Variants in EVI5 observed in about 807,000 individuals in gnomAD.
EVI5 encodes the protein ecotropic viral integration site 5 protein homolog.
EVI5 carries 73 observed loss-of-function variants against 112.0 expected under a neutral mutation model. The observed-to-expected ratio is 0.65, with a 90% CI of 0.54 to 0.79. The LOEUF (loss-of-function observed/expected upper bound fraction) is 0.79. EVI5 is among the 30% of genes least tolerant of loss of function. EVI5 has a pLI of 0.00. For missense variants in EVI5, 900 were observed against 968.8 expected (o/e 0.93, Z 0.94); for synonymous variants, 305 against 319.9 (o/e 0.95, Z 0.50).
rs143937974 is a variant in EVI5, at chr1:92,675,648, C to A, written c.1158+1510G>T. On this transcript the variant is annotated intron_variant, in intron 10 of 19. Coordinates refer to ENST00000684568, the MANE Select transcript of EVI5 (RefSeq NM_001350197.2). ...TACTTGCAGTAAAAGTACCCTTACT[C>A]ATAGTACCTAAAAGAAAAGCAAATA... 3.5e-3 allele frequency among the ~76,000 whole-genome samples: 537 copies of A among 152,136 alleles called. 4 individuals carry two copies. The highest frequency in any genetic ancestry group is 0.012 in the African/African-American group (514 of 41,508).
intron 13 of EVI5, among the ~76,000 whole-genome samples, chr1:92,645,184 C>T (rs1660708495): frequency 6.6e-6 from 1 of 152,076 alleles, no homozygotes. Context: ...ACATACATTC[C>T]TAAACACATA....
chr1:92,733,420 T>A (rs1490408533), intron 2 of EVI5, among the ~76,000 whole-genome samples: 1 of 151,548 alleles, frequency 6.6e-6, no homozygotes, highest in African/African-American at 2.4e-5. Flanking sequence ...TTTTTTTTTT[T>A]AAATGAGACG....
intron 13 of EVI5, among the ~76,000 whole-genome samples, chr1:92,660,865 T>C (rs1392105558): frequency 6.6e-6 from 1 of 152,022 alleles, no homozygotes; most frequent in African/African-American, 2.4e-5. Flanking sequence ...ATTGTGGTAG[T>C]GTTTCATAAC....
chr1:92,784,837 T>G lies in EVI5; in HGVS notation c.-83A>C. 1 of 985,140 alleles carries G rather than the reference T, an allele frequency of 1.0e-6. No individual in the cohort carries two copies. Among genetic ancestry groups the G allele is most frequent in the Non-Finnish European group, 1.2e-6 (1 of 830,226 alleles). The allele number at this position is 985,140 out of a possible 1,614,324, so 61.0% of individuals were successfully genotyped here. On this transcript the variant is annotated splice_region_variant and 5_prime_UTR_variant, in exon 1 of 20. Coordinates refer to ENST00000684568, the MANE Select transcript of EVI5 (RefSeq NM_001350197.2). ...CCGGCCTGGCGCAGCGCCCCTCACC[T>G]TGGAAACGTTGAGTAGACTTCGCCG...
At chr1:92,698,076 C>T (rs1017008) in intron 5 of EVI5, 91 bp from the exon 6 acceptor site, 1,078,994 of 1,181,414 alleles carry the variant, frequency 0.91, 493,478 homozygotes, top group East Asian at 0.97. Context: ...CAGCCAACCA[C>T]AAACATTGTT....
At chr1:92,707,681 T>C (rs1672226663) in intron 2 of EVI5, among the ~76,000 whole-genome samples, 1 of 152,184 alleles carries the variant, frequency 6.6e-6, no homozygotes, top group East Asian at 1.9e-4. Flanking sequence ...ATTCTATCAA[T>C]ATTAAAAGTA....
chr1:92,761,680 AGGTT>A (rs1681904089), intron 1 of EVI5, among the ~76,000 whole-genome samples: 1 of 152,190 alleles, frequency 6.6e-6, no homozygotes, highest in Non-Finnish European at 1.5e-5. Flanking sequence ...TATATTGCCC[AGGTT>A]GGTCTCAAAC....
intron 1 of EVI5, among the ~76,000 whole-genome samples, chr1:92,770,879 G>A (rs1160327391): frequency 4.0e-5 from 6 of 151,410 alleles, no homozygotes; most frequent in African/African-American, 9.7e-5. Flanking sequence ...GTAATGGCCC[G>A]ATCCCGGTTC....
At chr1:92,682,893 T>C (rs1026449157) in intron 9 of EVI5, among the ~76,000 whole-genome samples, 2 of 152,248 alleles carry the variant, frequency 1.3e-5, no homozygotes, top group Admixed American at 6.5e-5. Flanking sequence ...TGTTTCCTCA[T>C]ATACATTTTA....
rs200935840 is a variant in EVI5, at chr1:92,537,784, T to TA, written c.2167-23815dup. Reference sequence around the variant, plus strand: ...AGCCAAAATTCTAATCTACAGTACTTAAAAAAAAAAAACTAAAAAAAATTC... The same window carrying TA: ...AGCCAAAATTCTAATCTACAGTACTTAAAAAAAAAAAAACTAAAAAAAATTC... On this transcript the variant is annotated intron_variant, in intron 19 of 19. Coordinates refer to ENST00000684568, the MANE Select transcript of EVI5 (RefSeq NM_001350197.2). 4.4e-3 allele frequency among the ~76,000 whole-genome samples: 632 copies of TA among 143,548 alleles called. 8 individuals carry two copies. Among genetic ancestry groups the TA allele is most frequent in the African/African-American group, 0.01 (415 of 39,864 alleles). The allele number at this position is 143,548 out of a possible 152,430, so 94.2% of individuals were successfully genotyped here.
rs1658388204 is a variant in EVI5 at position 92,634,849 on chromosome 1, G to A, written c.1527+1353C>T. 2.0e-5 allele frequency among the ~76,000 whole-genome samples: 3 copies of A among 152,150 alleles called. No individual in the cohort carries two copies. The South Asian group carries it at 6.2e-4, about 32-fold the overall frequency. On this transcript the variant is annotated intron_variant, in intron 14 of 19. Transcript: ENST00000684568. ...TCTTCAATGGTGGTGACGTACAGAT[G>A]GGGTTTTGGTGTGGATGTCCTTTCT...
chr1:92,595,099 T>C (rs1647359539), intron 18 of EVI5, among the ~76,000 whole-genome samples: 1 of 151,836 alleles, frequency 6.6e-6, no homozygotes, highest in Non-Finnish European at 1.5e-5. Flanking sequence ...CATGCTGCTA[T>C]AAAGACACAT....
At chr1:92,658,650 T>C (rs1479982927) in intron 13 of EVI5, among the ~76,000 whole-genome samples, 1 of 152,158 alleles carries the variant, frequency 6.6e-6, no homozygotes, top group Non-Finnish European at 1.5e-5. Context: ...AAAATGACCA[T>C]ACTGCCCAAA....
intron 19 of EVI5, among the ~76,000 whole-genome samples, chr1:92,527,142 C>T (rs956665085): frequency 2.6e-4 from 39 of 152,050 alleles, no homozygotes; most frequent in African/African-American, 8.9e-4. Flanking sequence ...GGGCCAGGTG[C>T]GGTGGCTCAT....
intron 10 of EVI5, among the ~76,000 whole-genome samples, chr1:92,674,806 A>C (rs1274524611): frequency 2.0e-5 from 3 of 152,182 alleles, no homozygotes; most frequent in African/African-American, 7.2e-5. Flanking sequence ...TGGGGAGTGA[A>C]GAAAGAGATG....
At position 92,552,103 on chromosome 1, in the gene EVI5, G is replaced by C. The variant is rs181065433; in HGVS notation, c.2166+11539C>G. On this transcript the variant is annotated intron_variant, in intron 19 of 19. Transcript: ENST00000684568. ...TGCCAGGAAACACAGATGTGTTCGA[G>C]GACTAATGGGGCTGTAGGGAAAAAA... is the stretch of plus-strand genomic sequence containing the variant. 3.6e-3 allele frequency among the ~76,000 whole-genome samples: 501 copies of C among 140,360 alleles called. 3 individuals carry two copies. Among genetic ancestry groups the C allele is most frequent in the Non-Finnish European group, 5.7e-3 (380 of 66,204 alleles). The allele number at this position is 140,360 out of a possible 152,430, so 92.1% of individuals were successfully genotyped here. A position where few individuals can be genotyped will look rare whatever the true frequency, so the allele number is the denominator to read the frequency against.
intron 19 of EVI5, among the ~76,000 whole-genome samples, chr1:92,530,065 C>A (rs1662599265): frequency 6.6e-6 from 1 of 152,192 alleles, no homozygotes; most frequent in Admixed American, 6.5e-5. Context: ...TGTATTCTCT[C>A]TCTTCTGTTA....
intron 18 of EVI5, among the ~76,000 whole-genome samples, 163 bp from the exon 19 acceptor site, chr1:92,563,900 A>G (rs1444533865): frequency 6.6e-6 from 1 of 152,226 alleles, no homozygotes; most frequent in Admixed American, 6.5e-5. Context: ...TTCATAATGA[A>G]CTATGCTTTA....
intron 2 of EVI5, among the ~76,000 whole-genome samples, chr1:92,731,122 G>A (rs765597689): frequency 3.3e-5 from 5 of 152,076 alleles, no homozygotes; most frequent in Admixed American, 2.6e-4. Context: ...TCAGGAGCTC[G>A]AGACCAGTCT....
Sources: gnomAD v4.1 joint callset for allele counts (sites outside exome capture counted in the v4.1 genomes callset) on GRCh38, gnomAD v4.1.1 for gene constraint, MANE v1.5 for transcripts, NCBI Gene and HGNC (gene_info 2026-07-23, HGNC 2026-07-21) for gene names.